The following ERAP1 variants were observed in gnomAD, a reference collection of about 807,000 sequenced individuals.
ERAP1 encodes the protein endoplasmic reticulum aminopeptidase 1.
ERAP1 carries 86 observed loss-of-function variants against 103.7 expected under a neutral mutation model. That is an observed-to-expected ratio of 0.83 (90% confidence interval 0.70 to 0.99). ERAP1 has a LOEUF of 0.99. Ranked by LOEUF, ERAP1 falls within the 50% of genes least tolerant of loss-of-function variation. ERAP1 has a pLI of 0.00. For missense variants in ERAP1, 1,009 were observed against 1,128.4 expected (o/e 0.89, Z 1.52); for synonymous variants, 398 against 402.4 (o/e 0.99, Z 0.13).
At chr5:96,824,463 T>G in the ERAP1 span, among the ~76,000 whole-genome samples, 1 of 152,232 alleles carries the variant, frequency 6.6e-6, no homozygotes, top group Admixed American at 6.5e-5. Context: ...TGACACTTCC[T>G]GAGGTCTATA....
chr5:96,874,503 C>A, the ERAP1 span, among the ~76,000 whole-genome samples: 1 of 152,202 alleles, frequency 6.6e-6, no homozygotes, highest in Admixed American at 6.5e-5. Flanking sequence ...CGTAGATAAG[C>A]CCTTGGGGCC....
downstream of ERAP1, chr5:96,772,331 C>T (rs1772719770): frequency 6.5e-6 from 1 of 153,336 alleles, no homozygotes; most frequent in Non-Finnish European, 1.5e-5. Context: ...TTAATGTAAG[C>T]CTTAAAAGCA....
At chr5:96,858,208 G>T in the ERAP1 span, among the ~76,000 whole-genome samples, 7,145 of 148,102 alleles carry the variant, frequency 0.048, 214 homozygotes, top group South Asian at 0.11. Context: ...TCTCCTCCTT[G>T]TTCTTCTTCT....
the ERAP1 span, among the ~76,000 whole-genome samples, chr5:96,821,938 A>G: frequency 6.6e-6 from 1 of 152,250 alleles, no homozygotes. Context: ...CTGCCTTTCA[A>G]ATCTTTGCTG....
chr5:96,787,890 A>C (rs560210227), intron 11 of ERAP1, among the ~76,000 whole-genome samples: 5 of 151,270 alleles, frequency 3.3e-5, no homozygotes, highest in Non-Finnish European at 7.4e-5. Context: ...AGAGAGAGAG[A>C]GCAAGAGAGA....
At chr5:96,850,349 G>A in the ERAP1 span, among the ~76,000 whole-genome samples, 2 of 151,842 alleles carry the variant, frequency 1.3e-5, no homozygotes, top group Non-Finnish European at 2.9e-5. Flanking sequence ...TCAGATAAAG[G>A]GCTGATATCT....
the ERAP1 span, among the ~76,000 whole-genome samples, chr5:96,847,123 C>T: frequency 6.6e-6 from 1 of 151,226 alleles, no homozygotes; most frequent in African/African-American, 2.4e-5. Context: ...CTGCGTGCAC[C>T]TGTAATCCCA....
chr5:96,785,510 T>G, intron 13 of ERAP1: 4 of 426,544 alleles, frequency 9.4e-6, no homozygotes, highest in Non-Finnish European at 1.8e-5. Flanking sequence ...TTCGCCAGGA[T>G]GTTGATCTCC....
At chr5:96,891,447 A>G in the ERAP1 span, among the ~76,000 whole-genome samples, 2,595 of 149,612 alleles carry the variant, frequency 0.017, 38 homozygotes, top group Non-Finnish European at 0.029. Context: ...ATATATATGT[A>G]TATACACACA....
At chr5:96,891,178 T>C in the ERAP1 span, among the ~76,000 whole-genome samples, 1 of 152,124 alleles carries the variant, frequency 6.6e-6, no homozygotes, top group Non-Finnish European at 1.5e-5. Flanking sequence ...ATAAGCCAAG[T>C]GACTTGGTTC....
chr5:96,764,118 C>T (rs1462531022), intron 19 of ERAP1, among the ~76,000 whole-genome samples: 1 of 152,180 alleles, frequency 6.6e-6, no homozygotes, highest in Non-Finnish European at 1.5e-5. Flanking sequence ...AGATATTAAA[C>T]ACATTTTAAT....
chr5:96,787,873 TATAG>T (rs998633075), intron 11 of ERAP1, among the ~76,000 whole-genome samples: 13 of 149,628 alleles, frequency 8.7e-5, no homozygotes, highest in African/African-American at 3.2e-4. Context: ...TACATATATA[TATAG>T]AGAGAGAGAG....
the ERAP1 span, among the ~76,000 whole-genome samples, chr5:96,829,969 A>C: frequency 1.1e-4 from 16 of 152,204 alleles, no homozygotes; most frequent in Non-Finnish European, 2.4e-4. Context: ...ACAACAACTA[A>C]AAAAGCTTGA....
chr5:96,808,261 T>TGTGTGTGTGG (rs1387638650), upstream of ERAP1: 2 of 837,656 alleles, frequency 2.4e-6, no homozygotes, highest in African/African-American at 2.2e-5. Flanking sequence ...TGTGTGTGTG[T>TGTGTGTGTGG]TGAGATGCTT....
At chr5:96,867,891 T>C in the ERAP1 span, among the ~76,000 whole-genome samples, 3 of 152,038 alleles carry the variant, frequency 2.0e-5, no homozygotes, top group Non-Finnish European at 4.4e-5. Flanking sequence ...CTGGCTAACA[T>C]GGTGAAACAT....
At chr5:96,851,135 G>A in the ERAP1 span, among the ~76,000 whole-genome samples, 5 of 152,108 alleles carry the variant, frequency 3.3e-5, no homozygotes, top group Non-Finnish European at 7.4e-5. Context: ...AAAAGCCCAG[G>A]ATAATTATAT....
chr5:96,820,582 G>A, the ERAP1 span, among the ~76,000 whole-genome samples: 1 of 151,890 alleles, frequency 6.6e-6, no homozygotes, highest in Admixed American at 6.6e-5. Flanking sequence ...TAATTTTTCA[G>A]TGAGTCCTAT....
the ERAP1 span, chr5:96,903,300 T>G: frequency 8.6e-7 from 1 of 1,157,350 alleles, no homozygotes; most frequent in African/African-American, 1.6e-5. Context: ...AGTAATTTGA[T>G]TAAAAATAAC....
chr5:96,848,127 C>A, the ERAP1 span, among the ~76,000 whole-genome samples: 3 of 152,186 alleles, frequency 2.0e-5, no homozygotes, highest in African/African-American at 7.2e-5. Flanking sequence ...CAGCTCACTG[C>A]AACCTCTGCC....
Sources: gnomAD v4.1 joint callset for allele counts (sites outside exome capture counted in the v4.1 genomes callset) on GRCh38, gnomAD v4.1.1 for gene constraint, MANE v1.5 for transcripts, NCBI Gene and HGNC (gene_info 2026-07-23, HGNC 2026-07-21) for gene names.